ATF7IP: variants seen among roughly 807,000 people sequenced by gnomAD.
ATF7IP encodes the protein activating transcription factor 7-interacting protein 1.
Under a neutral mutation model 106.4 loss-of-function variants are expected in ATF7IP, and 23 were observed. The ratio of observed to expected loss-of-function variants is 0.22; its 90% confidence interval spans 0.16 to 0.31. The LOEUF is 0.31. Among genes scored for constraint, ATF7IP ranks in the 10% least tolerant of loss-of-function variants. The pLI is 1.00. For synonymous variants in ATF7IP, 542 were observed against 539.0 expected (o/e 1.01, Z -0.08); for missense variants, 1,334 against 1,524.3 (o/e 0.88, Z 2.08).
chr12:14,372,403 C>T (rs1040514015), intron 1 of ATF7IP, among the ~76,000 whole-genome samples: 1 of 148,866 alleles, frequency 6.7e-6, no homozygotes, highest in African/African-American at 2.5e-5. Flanking sequence ...TTTTAAATTT[C>T]GATCATTTGG....
At position 14,424,305 on chromosome 12, in the gene ATF7IP, T is replaced by G. The variant is rs1361196975; in HGVS notation, c.390T>G (p.Val130=). ...EPVSKLPAEP[V]SGDPAPGDLD... ...TCTCTAAACTGCCTGCTGAACCAGT[T>G]TCTGGTGATCCAGCCCCTGGTGATC... Residue 130 remains valine (V), a synonymous_variant, in exon 2 of 15, where the codon GTT becomes GTG. Coordinates refer to ENST00000261168, the MANE Select transcript of ATF7IP (RefSeq NM_018179.5). 1 of 1,614,166 alleles carries G rather than the reference T, an allele frequency of 6.2e-7. No individual in the cohort carries two copies. The highest frequency in any genetic ancestry group is 1.7e-5 in the Admixed American group (1 of 60,030).
At chr12:14,374,935 A>G (rs1938673517) in intron 1 of ATF7IP, among the ~76,000 whole-genome samples, 1 of 152,100 alleles carries the variant, frequency 6.6e-6, no homozygotes, top group Non-Finnish European at 1.5e-5. Flanking sequence ...GTAGTACTTT[A>G]TAAGTTTCCT....
chr12:14,421,514 A>G (rs1029760133), intron 1 of ATF7IP, among the ~76,000 whole-genome samples: 11 of 152,116 alleles, frequency 7.2e-5, no homozygotes, highest in South Asian at 6.2e-4. Flanking sequence ...CATAACTTCA[A>G]TTGTCACATG....
rs111404507 is a variant in ATF7IP at position 14,491,600 on chromosome 12, A to G, written c.3281-4631A>G. ...AAAAGTGATCAAGGTCTCTCTGAATAAGATTATGACACAAAGCTGGAGAGT... is the reference window on the plus strand; with the variant it reads ...AAAAGTGATCAAGGTCTCTCTGAATGAGATTATGACACAAAGCTGGAGAGT... On this transcript the variant is annotated intron_variant, in intron 13 of 14. Transcript: ENST00000261168. Among the ~76,000 whole-genome samples the G allele has an allele frequency of 1.0e-3, 155 of 152,362 alleles. 1 individual carries two copies. Among genetic ancestry groups the G allele is most frequent in the South Asian group, 4.1e-3 (20 of 4,826 alleles).
At chr12:14,381,823 GTATAA>G (rs1232404990) in intron 1 of ATF7IP, among the ~76,000 whole-genome samples, 2 of 150,610 alleles carry the variant, frequency 1.3e-5, no homozygotes, top group South Asian at 2.1e-4. Flanking sequence ...TTTTCAAATA[GTATAA>G]TATATATAAA....
intron 1 of ATF7IP, chr12:14,385,401 G>GT: frequency 6.5e-7 from 1 of 1,533,110 alleles, no homozygotes; most frequent in East Asian, 2.4e-5. Context: ...AGGACCAGAG[G>GT]TAAGAACCAA....
intron 1 of ATF7IP, among the ~76,000 whole-genome samples, chr12:14,403,893 A>G (rs1377919274): frequency 6.6e-6 from 1 of 152,208 alleles, no homozygotes; most frequent in Non-Finnish European, 1.5e-5. Flanking sequence ...GTTGCTTAGC[A>G]ACTACTTGTG....
At chr12:14,464,073 G>A (rs1021071430) in intron 9 of ATF7IP, among the ~76,000 whole-genome samples, 1 of 152,234 alleles carries the variant, frequency 6.6e-6, no homozygotes, top group African/African-American at 2.4e-5. Context: ...AGCACTTTGG[G>A]AGGCTGAGGC....
chr12:14,368,009 T>A (rs980156811), intron 1 of ATF7IP, among the ~76,000 whole-genome samples: 3 of 152,106 alleles, frequency 2.0e-5, no homozygotes, highest in African/African-American at 7.2e-5. Context: ...TTTTGTAAAT[T>A]TAAAAATTTA....
At position 14,497,644 on chromosome 12, in the gene ATF7IP, G is replaced by GT. The variant is rs781407779; in HGVS notation, c.3394-7dup. The GT allele has an allele frequency of 6.8e-6, 11 of 1,607,858 alleles. No individual in the cohort carries two copies. Among genetic ancestry groups the GT allele is most frequent in the Admixed American group, 3.4e-5 (2 of 59,502 alleles). On this transcript the variant is annotated splice_polypyrimidine_tract_variant and intron_variant, in intron 14 of 14. Coordinates refer to ENST00000261168, the MANE Select transcript of ATF7IP (RefSeq NM_018179.5). The stretch of plus-strand genomic sequence containing the variant: ...CAATCATCATTAATCAGTGTGACCT[G>GT]TTTCTTCAGGAGCCCCCACGCCCCG...
chr12:14,408,699 T>C (rs916228321), intron 1 of ATF7IP, among the ~76,000 whole-genome samples: 2 of 152,140 alleles, frequency 1.3e-5, no homozygotes, highest in Non-Finnish European at 2.9e-5. Context: ...ATTTGATTAA[T>C]TTTAATGCTG....
At chr12:14,447,945 CTTTG>C (rs1943050754) in intron 6 of ATF7IP, among the ~76,000 whole-genome samples, 2 of 151,950 alleles carry the variant, frequency 1.3e-5, no homozygotes, top group Non-Finnish European at 2.9e-5. Context: ...TTCATTTTTC[CTTTG>C]TTTATCATTT....
intron 10 of ATF7IP, among the ~76,000 whole-genome samples, chr12:14,468,872 TTAA>T (rs1198007263): frequency 6.6e-6 from 1 of 152,228 alleles, no homozygotes; most frequent in East Asian, 1.9e-4. Context: ...AATACCTTTA[TTAA>T]TGTTACACTA....
chr12:14,451,422 AT>A (rs1943197054), intron 6 of ATF7IP, among the ~76,000 whole-genome samples: 1 of 151,288 alleles, frequency 6.6e-6, no homozygotes, highest in East Asian at 1.9e-4. Context: ...CCTCTTGCTA[AT>A]TTTGGGTTTA....
chr12:14,423,844 A>G, intron 1 of ATF7IP, 65 bp from the exon 2 acceptor site: 1 of 1,492,520 alleles, frequency 6.7e-7, no homozygotes, highest in Non-Finnish European at 8.9e-7. Context: ...ATCAATTTGT[A>G]TTAAGTCTAC....
chr12:14,434,206 A>G (rs1292861095), intron 2 of ATF7IP, 131 bp from the exon 3 acceptor site: 25 of 597,910 alleles, frequency 4.2e-5, no homozygotes, highest in Non-Finnish European at 6.5e-5. Context: ...CCCCTCCCCA[A>G]ATTTTACATT....
chr12:14,370,979 A>G (rs191704209), intron 1 of ATF7IP, among the ~76,000 whole-genome samples: 184 of 152,016 alleles, frequency 1.2e-3, no homozygotes, highest in African/African-American at 4.4e-3. Context: ...TAATCTCATA[A>G]TAAAGATAAA....
intron 6 of ATF7IP, 83 bp downstream of exon 6, chr12:14,447,136 T>A: frequency 8.7e-7 from 1 of 1,144,712 alleles, no homozygotes; most frequent in Non-Finnish European, 1.3e-6. Flanking sequence ...GGAAACTGTA[T>A]TACAAATCTG....
At chr12:14,491,188 C>G (rs1944808878) in intron 13 of ATF7IP, among the ~76,000 whole-genome samples, 1 of 152,206 alleles carries the variant, frequency 6.6e-6, no homozygotes. Context: ...GCAGAGCCTT[C>G]TCCTGTTCTG....
Sources: allele counts gnomAD v4.1 joint callset (sites outside exome capture counted in the v4.1 genomes callset), GRCh38; gene constraint gnomAD v4.1.1; transcripts MANE v1.5; gene names NCBI Gene and HGNC (gene_info 2026-07-23, HGNC 2026-07-21).